Variants in EDARADD observed in about 807,000 individuals in gnomAD.
The protein encoded by EDARADD is ectodysplasin-A receptor-associated adapter protein.
In EDARADD, 20 loss-of-function variants were observed where a neutral mutation model predicts 25.6. The observed-to-expected ratio is 0.78, with a 90% CI of 0.55 to 1.14. The LOEUF (loss-of-function observed/expected upper bound fraction) is 1.14. Ranked by LOEUF, EDARADD falls within the 50% of genes most tolerant of loss-of-function variation. EDARADD has a pLI of 0.00. For missense variants in EDARADD, 225 were observed against 270.1 expected, an observed-to-expected ratio of 0.83 and a Z score of 1.17; for synonymous variants, 86 against 94.4, an observed-to-expected ratio of 0.91 and a Z score of 0.52.
intron 4 of EDARADD, among the ~76,000 whole-genome samples, chr1:236,451,008 G>A (rs1658697294): frequency 6.6e-6 from 1 of 152,018 alleles, no homozygotes; most frequent in Non-Finnish European, 1.5e-5. Flanking sequence ...CTATCACCAT[G>A]GCCACTGCAC....
chr1:236,393,435 G>A (rs1467442141), upstream of EDARADD, among the ~76,000 whole-genome samples: 22 of 111,796 alleles, frequency 2.0e-4, no homozygotes, highest in African/African-American at 7.5e-4. Context: ...TCACTCTGTC[G>A]CCCAGGCTGG....
At chr1:236,360,217 G>A (rs1558099970) in intron 3 of EDARADD, among the ~76,000 whole-genome samples, 2 of 152,066 alleles carry the variant, frequency 1.3e-5, no homozygotes, top group African/African-American at 2.4e-5. Context: ...AGGTACTTGG[G>A]AAGCCAAGGC....
intron 2 of EDARADD, among the ~76,000 whole-genome samples, chr1:236,410,061 T>A (rs375001313): frequency 6.6e-6 from 1 of 152,166 alleles, no homozygotes; most frequent in Non-Finnish European, 1.5e-5. Context: ...ATATATTGGT[T>A]TTTTAAAATT....
chr1:236,405,874 C>CT (rs1370860313), intron 1 of EDARADD, among the ~76,000 whole-genome samples: 27 of 30,910 alleles, frequency 8.7e-4, no homozygotes, highest in Admixed American at 1.9e-3. Flanking sequence ...TCCTTCCTTC[C>CT]TTCTTTCTTT....
At position 236,483,099 on chromosome 1, in the gene EDARADD, C is replaced by A. The variant is rs1659726086; in HGVS notation, c.*450C>A. 1 of 1,061,458 alleles carries A rather than the reference C, an allele frequency of 9.4e-7. No homozygotes were observed. 65.8% of individuals were successfully genotyped at this position (1,061,458 alleles called of 1,614,324 possible). A position where few individuals can be genotyped will look rare whatever the true frequency, so the allele number is the denominator to read the frequency against. Reference sequence around the variant, plus strand: ...AGAAAACAGCTACAAGGAATGCTTACCTGAGTGTCTGCAGCACCCTCCACT... The same window carrying A: ...AGAAAACAGCTACAAGGAATGCTTAACTGAGTGTCTGCAGCACCCTCCACT... On this transcript the variant is annotated 3_prime_UTR_variant, in exon 6 of 6. Transcript: ENST00000334232.
chr1:236,379,301 C>T (rs571412277), intron 3 of EDARADD, among the ~76,000 whole-genome samples: 16 of 151,818 alleles, frequency 1.1e-4, no homozygotes, highest in African/African-American at 3.1e-4. Context: ...ACCTGGGAGG[C>T]GGAGGTTGCA....
chr1:236,466,440 A>AAC lies in EDARADD; in HGVS notation c.220-1772_220-1771dup, dbSNP rs34021141. Among the ~76,000 whole-genome samples, 10 of 124,474 alleles carry AAC rather than the reference A, an allele frequency of 8.0e-5. 1 individual carries two copies. The highest frequency in any genetic ancestry group is 5.5e-4 in the East Asian group (2 of 3,636). 81.7% of individuals were successfully genotyped at this position (124,474 alleles called of 152,430 possible). On this transcript the variant is annotated intron_variant, in intron 4 of 5. Transcript: ENST00000334232. Reference sequence around the variant, plus strand: ...TCTCTCTCACTCTCTCTCTCTGATAAACACACACACACACACACACTCACA... The same window carrying AAC: ...TCTCTCTCACTCTCTCTCTCTGATAAACACACACACACACACACACACTCACA...
intron 4 of EDARADD, among the ~76,000 whole-genome samples, chr1:236,455,979 T>C (rs55897529): frequency 1.8e-3 from 269 of 152,274 alleles, no homozygotes; most frequent in East Asian, 5.8e-3. Context: ...TTAGTAGAGA[T>C]GGAGTTTCAC....
intron 5 of EDARADD, among the ~76,000 whole-genome samples, chr1:236,469,961 C>T (rs1005736697): frequency 2.0e-5 from 3 of 152,010 alleles, no homozygotes; most frequent in Admixed American, 6.6e-5. Flanking sequence ...CCACCTGCTT[C>T]GGCCTCCTAA....
At chr1:236,452,277 C>T (rs1658733984) in intron 4 of EDARADD, among the ~76,000 whole-genome samples, 1 of 152,214 alleles carries the variant, frequency 6.6e-6, no homozygotes, top group Non-Finnish European at 1.5e-5. Flanking sequence ...CCCCAGCTTT[C>T]ACTCCTTCCG....
intron 3 of EDARADD, among the ~76,000 whole-genome samples, chr1:236,385,582 G>A (rs923697361): frequency 1.6e-4 from 25 of 151,860 alleles, no homozygotes; most frequent in African/African-American, 3.1e-4. Flanking sequence ...AAATTAGTTC[G>A]GTGTGGTGAC....
intron 4 of EDARADD, among the ~76,000 whole-genome samples, chr1:236,450,101 CAAAA>C (rs10707989): frequency 7.1e-6 from 1 of 140,962 alleles, no homozygotes; most frequent in Non-Finnish European, 1.5e-5. Flanking sequence ...ACTCTGTCTC[CAAAA>C]AAAAAAAAAA....
chr1:236,468,188 C>T (rs758046261), intron 4 of EDARADD, 43 bp from the exon 5 acceptor site: 3 of 1,584,374 alleles, frequency 1.9e-6, no homozygotes, highest in East Asian at 4.5e-5. Flanking sequence ...TCTCCATTCA[C>T]ATTTGGATAT....
chr1:236,384,583 A>G (rs779680630), intron 3 of EDARADD, among the ~76,000 whole-genome samples: 2 of 151,998 alleles, frequency 1.3e-5, no homozygotes, highest in Non-Finnish European at 2.9e-5. Flanking sequence ...TAGAGACAGG[A>G]TCTTGTGTAT....
At chr1:236,361,521 G>A (rs2102991483) in intron 3 of EDARADD, among the ~76,000 whole-genome samples, 1 of 151,568 alleles carries the variant, frequency 6.6e-6, no homozygotes. Context: ...GTAGAGACAG[G>A]GTTTTGCCAT....
At chr1:236,367,661 A>G (rs1013263068) in intron 3 of EDARADD, among the ~76,000 whole-genome samples, 2 of 152,168 alleles carry the variant, frequency 1.3e-5, no homozygotes, top group Non-Finnish European at 2.9e-5. Flanking sequence ...CACCATGCCC[A>G]GCCACAATAT....
chr1:236,440,926 A>G (rs1233697880), intron 4 of EDARADD, among the ~76,000 whole-genome samples: 1 of 152,104 alleles, frequency 6.6e-6, no homozygotes, highest in African/African-American at 2.4e-5. Flanking sequence ...TAACCCTACA[A>G]TGAGCTCTTA....
At chr1:236,452,975 C>T (rs187669632) in intron 4 of EDARADD, among the ~76,000 whole-genome samples, 4 of 152,292 alleles carry the variant, frequency 2.6e-5, no homozygotes, top group Admixed American at 6.5e-5. Flanking sequence ...AATGCTGCTT[C>T]GGTGAATGTC....
intron 3 of EDARADD, among the ~76,000 whole-genome samples, chr1:236,376,173 G>A (rs540518168): frequency 2.0e-5 from 3 of 152,096 alleles, no homozygotes; most frequent in African/African-American, 7.2e-5. Flanking sequence ...GACCAAAGGT[G>A]ATCCAGCTGC....
Sources: gnomAD v4.1 joint callset for allele counts (sites outside exome capture counted in the v4.1 genomes callset) on GRCh38, gnomAD v4.1.1 for gene constraint, MANE v1.5 for transcripts, NCBI Gene and HGNC (gene_info 2026-07-23, HGNC 2026-07-21) for gene names.